Variants in AGBL1 observed in about 807,000 individuals in gnomAD.
AGBL1 encodes the protein cytosolic carboxypeptidase 4.
Under a neutral mutation model 118.9 loss-of-function variants are expected in AGBL1, and 130 were observed. The observed-to-expected ratio is 1.09, with a 90% CI of 0.95 to 1.26. The LOEUF (loss-of-function observed/expected upper bound fraction) is 1.26. Among genes scored for constraint, AGBL1 ranks in the 50% most tolerant of loss-of-function variants. AGBL1 has a pLI of 0.00. For missense variants in AGBL1, 1,584 were observed against 1,298.1 expected (o/e 1.22, Z -3.38); for synonymous variants, 555 against 478.9 (o/e 1.16, Z -2.08).
At chr15:86,650,824 G>C (rs2085357195) in intron 21 of AGBL1, among the ~76,000 whole-genome samples, 1 of 152,160 alleles carries the variant, frequency 6.6e-6, no homozygotes, top group Admixed American at 6.5e-5. Context: ...GAATATAGGT[G>C]TAACTTTTTT....
chr15:86,168,125 A>T (rs1033735650), intron 5 of AGBL1, among the ~76,000 whole-genome samples: 1 of 152,176 alleles, frequency 6.6e-6, no homozygotes, highest in African/African-American at 2.4e-5. Context: ...ATTGTCAGAG[A>T]TTTGTGGGCA....
intron 22 of AGBL1, among the ~76,000 whole-genome samples, chr15:86,755,923 A>C (rs571560707): frequency 3.3e-5 from 5 of 152,126 alleles, no homozygotes; most frequent in Admixed American, 6.6e-5. Context: ...TGTTTCCCCA[A>C]GAGCTGGTTC....
chr15:86,180,783 A>T (rs879898111), intron 5 of AGBL1, among the ~76,000 whole-genome samples: 7 of 152,164 alleles, frequency 4.6e-5, no homozygotes, highest in Non-Finnish European at 7.4e-5. Flanking sequence ...CTTGTAAAAA[A>T]GTTTTATTCT....
chr15:86,143,194 T>G (rs911673538), intron 2 of AGBL1, among the ~76,000 whole-genome samples: 2 of 152,222 alleles, frequency 1.3e-5, no homozygotes, highest in South Asian at 2.1e-4. Flanking sequence ...AAGGGACTAC[T>G]GCAGTGGTTT....
chr15:86,112,050 T>C (rs1897422783), intron 1 of AGBL1, among the ~76,000 whole-genome samples: 1 of 152,194 alleles, frequency 6.6e-6, no homozygotes, highest in African/African-American at 2.4e-5. Context: ...TGGAGATGTC[T>C]AGTTGCAGGA....
At chr15:86,874,026 C>A (rs1056216130) in intron 22 of AGBL1, among the ~76,000 whole-genome samples, 2 of 152,090 alleles carry the variant, frequency 1.3e-5, no homozygotes, top group Admixed American at 1.3e-4. Flanking sequence ...GTTTTTAAAT[C>A]TCTGTAATGG....
intron 21 of AGBL1, among the ~76,000 whole-genome samples, chr15:86,560,337 T>A (rs2083798438): frequency 7.1e-6 from 1 of 140,276 alleles, no homozygotes; most frequent in African/African-American, 2.6e-5. Context: ...CCCCTTCCTG[T>A]GTCCAAGTGT....
At chr15:86,342,926 T>C (rs189366703) in intron 17 of AGBL1, among the ~76,000 whole-genome samples, 179 of 152,320 alleles carry the variant, frequency 1.2e-3, no homozygotes, top group African/African-American at 4.1e-3. Flanking sequence ...TTTTGTAAAT[T>C]CAAAGGAGAA....
intron 22 of AGBL1, among the ~76,000 whole-genome samples, chr15:86,779,514 C>T (rs891245813): frequency 5.9e-5 from 9 of 152,094 alleles, no homozygotes; most frequent in Non-Finnish European, 2.9e-5. Flanking sequence ...CTGCTATGAA[C>T]AGTATTGTAC....
At chr15:86,946,869 GA>G (rs1158508451) in intron 23 of AGBL1, among the ~76,000 whole-genome samples, 2 of 140,476 alleles carry the variant, frequency 1.4e-5, no homozygotes, top group African/African-American at 2.6e-5. Flanking sequence ...AAACAAAATA[GA>G]AAAGAAAGAA....
chr15:87,003,207 A>G (rs1021911410), intron 24 of AGBL1, among the ~76,000 whole-genome samples: 3 of 152,086 alleles, frequency 2.0e-5, no homozygotes, highest in Non-Finnish European at 4.4e-5. Flanking sequence ...AATTTTGTCA[A>G]AGGCCTTTTC....
intron 17 of AGBL1, among the ~76,000 whole-genome samples, chr15:86,361,102 C>T (rs1458827272): frequency 4.6e-5 from 7 of 151,896 alleles, no homozygotes; most frequent in African/African-American, 1.7e-4. Context: ...TTTATAGCTA[C>T]AAAATTATAT....
chr15:87,029,662 C>T (rs573125177), downstream of AGBL1, among the ~76,000 whole-genome samples: 1 of 151,932 alleles, frequency 6.6e-6, no homozygotes, highest in African/African-American at 2.4e-5. Context: ...TTTTTAAAGT[C>T]AAAGAGATAG....
At chr15:86,531,829 C>T (rs1173777921) in intron 19 of AGBL1, among the ~76,000 whole-genome samples, 99 of 142,164 alleles carry the variant, frequency 7.0e-4, no homozygotes, top group Admixed American at 1.1e-3. Flanking sequence ...TAAATGTAAT[C>T]CAGCATATAA....
chr15:86,643,660 G>C (rs2085228104), intron 21 of AGBL1, among the ~76,000 whole-genome samples: 1 of 151,928 alleles, frequency 6.6e-6, no homozygotes, highest in Admixed American at 6.5e-5. Context: ...TAATTAGTTT[G>C]ACATTTTTTA....
Position 86,237,201 on chromosome 15 carries a change from A to G in AGBL1, c.527-10470A>G, listed in dbSNP as rs144032816. ...CTAAAATAATTTCTTAATAACTCCT[A>G]TAACAATAGTGACACACTATTGGCT... On this transcript the variant is annotated intron_variant, in intron 6 of 22. Transcript: ENST00000614907. 2.1e-3 allele frequency among the ~76,000 whole-genome samples: 322 copies of G among 152,324 alleles called. 1 individual carries two copies. The highest frequency in any genetic ancestry group is 7.4e-3 in the African/African-American group (307 of 41,550).
intron 18 of AGBL1, among the ~76,000 whole-genome samples, chr15:86,517,691 C>G (rs765973179): frequency 6.6e-6 from 1 of 152,144 alleles, no homozygotes; most frequent in Admixed American, 6.6e-5. Context: ...GAGCATTTTG[C>G]GTGACAAAAA....
At chr15:86,532,648 G>A (rs532281400) in intron 19 of AGBL1, among the ~76,000 whole-genome samples, 4 of 150,660 alleles carry the variant, frequency 2.7e-5, no homozygotes, top group East Asian at 2.0e-4. Context: ...AGCCCGCATC[G>A]CCAAGTCAAT....
chr15:86,334,292 C>T (rs934624091), intron 17 of AGBL1, among the ~76,000 whole-genome samples: 1 of 152,124 alleles, frequency 6.6e-6, no homozygotes, highest in African/African-American at 2.4e-5. Flanking sequence ...CCACAAGGCT[C>T]CTAGAACTGA....
Sources: allele counts gnomAD v4.1 joint callset (sites outside exome capture counted in the v4.1 genomes callset), GRCh38; gene constraint gnomAD v4.1.1; transcripts MANE v1.5; gene names NCBI Gene and HGNC (gene_info 2026-07-23, HGNC 2026-07-21).